Variants in C4orf36 observed in about 807,000 individuals in gnomAD.
The protein encoded by C4orf36 is uncharacterized protein C4orf36.
C4orf36 carries 11 observed loss-of-function variants against 12.2 expected under a neutral mutation model. The ratio of observed to expected loss-of-function variants is 0.90; its 90% confidence interval spans 0.57 to 1.49. The LOEUF is 1.49. C4orf36 is among the 40% of genes most tolerant of loss of function. The probability of loss-of-function intolerance (pLI) is 0.00; values close to 1 mark genes in which losing one functional copy is unlikely to be tolerated. For synonymous variants in C4orf36, 54 were observed against 51.3 expected, an observed-to-expected ratio of 1.05 and a Z score of -0.22; for missense variants, 137 against 133.9, an observed-to-expected ratio of 1.02 and a Z score of -0.11.
intron 4 of C4orf36, among the ~76,000 whole-genome samples, chr4:86,879,667 C>A (rs1044958915): frequency 1.3e-5 from 2 of 152,098 alleles, no homozygotes; most frequent in Non-Finnish European, 2.9e-5. Flanking sequence ...AGAAAATGAA[C>A]ATACCAATTC....
chr4:86,905,263 G>A, the C4orf36 span, among the ~76,000 whole-genome samples: 6 of 151,148 alleles, frequency 4.0e-5, no homozygotes, highest in South Asian at 2.1e-4. Flanking sequence ...CATGCCTGTC[G>A]TCCTTGCTAC....
chr4:86,918,832 T>TCAC, the C4orf36 span, among the ~76,000 whole-genome samples: 1 of 120,132 alleles, frequency 8.3e-6, no homozygotes, highest in Admixed American at 8.8e-5. Context: ...TGTGTGTGTG[T>TCAC]GTGCACGTGA....
At chr4:86,931,899 G>T in the C4orf36 span, among the ~76,000 whole-genome samples, 1 of 151,986 alleles carries the variant, frequency 6.6e-6, no homozygotes, top group African/African-American at 2.4e-5. Context: ...GCCGGGCGTG[G>T]TGGCAGGCGC....
the C4orf36 span, among the ~76,000 whole-genome samples, chr4:86,929,197 G>T: frequency 6.6e-6 from 1 of 152,038 alleles, no homozygotes; most frequent in Non-Finnish European, 1.5e-5. Flanking sequence ...TTGGACTTGC[G>T]GCATGTTTTA....
At chr4:86,887,365 T>C (rs957972102) in intron 4 of C4orf36, 9 of 159,378 alleles carry the variant, frequency 5.6e-5, no homozygotes, top group Non-Finnish European at 1.1e-4. Context: ...CAGTTTATCA[T>C]TTTTAAGAGA....
the C4orf36 span, chr4:86,914,821 C>G: frequency 2.2e-6 from 1 of 454,260 alleles, no homozygotes. Context: ...TGACATTATT[C>G]TTAGTGTTTT....
At chr4:86,914,703 G>A in the C4orf36 span, 9 of 391,996 alleles carry the variant, frequency 2.3e-5, no homozygotes, top group Admixed American at 7.3e-5. Context: ...GCCCGGCTCC[G>A]TTCTTCTTAT....
At chr4:86,887,953 C>A in intron 3 of C4orf36, 60 bp from the exon 4 acceptor site, 1 of 1,600,716 alleles carries the variant, frequency 6.2e-7, no homozygotes, top group South Asian at 1.1e-5. Context: ...ATAACTAAGT[C>A]AAAACTGAAT....
At chr4:86,902,870 T>C in the C4orf36 span, among the ~76,000 whole-genome samples, 2 of 152,198 alleles carry the variant, frequency 1.3e-5, no homozygotes, top group African/African-American at 4.8e-5. Context: ...ATATGGAATC[T>C]TTATTTCTTT....
At chr4:86,919,829 G>C in the C4orf36 span, among the ~76,000 whole-genome samples, 16 of 152,234 alleles carry the variant, frequency 1.1e-4, no homozygotes, top group African/African-American at 3.9e-4. Context: ...GAGCCCAGGA[G>C]TTCAAAACAA....
Position 86,887,776 on chromosome 4 carries a change from G to C in C4orf36, c.338C>G (p.Pro113Arg), listed in dbSNP as rs762808044. ...LRERPAGLRR[P>R]LPSK ...AACTGACTGTCATTTAGATGGAAGA[G>C]GTCTTCTCAAACCGGCTGGCCTTTC... is the stretch of plus-strand genomic sequence containing the variant. Residue 113 changes from proline to arginine, a missense_variant, in exon 4 of 5, where the codon CCT becomes CGT. Physicochemically the swap from Pro to Arg is moderately radical, Grantham distance 103. Coordinates refer to ENST00000295898, the MANE Select transcript of C4orf36 (RefSeq NM_144645.4). 4 of 1,614,088 alleles carry C rather than the reference G, an allele frequency of 2.5e-6. No individual in the cohort carries two copies. The highest frequency in any genetic ancestry group is 2.7e-5 in the African/African-American group (2 of 74,946).
At chr4:86,897,499 C>A in the C4orf36 span, among the ~76,000 whole-genome samples, 1 of 152,232 alleles carries the variant, frequency 6.6e-6, no homozygotes, top group Non-Finnish European at 1.5e-5. Context: ...TCTCTGGATT[C>A]TCTCACCCAG....
At chr4:86,921,751 T>C in the C4orf36 span, among the ~76,000 whole-genome samples, 1 of 152,224 alleles carries the variant, frequency 6.6e-6, no homozygotes, top group Admixed American at 6.5e-5. Flanking sequence ...CATATTGTTG[T>C]GCAACCATCA....
At chr4:86,909,277 C>G in the C4orf36 span, among the ~76,000 whole-genome samples, 8 of 152,208 alleles carry the variant, frequency 5.3e-5, no homozygotes, top group African/African-American at 1.9e-4. Context: ...GACACCAACA[C>G]TTGGCTGAAG....
intron 1 of C4orf36, among the ~76,000 whole-genome samples, chr4:86,891,825 G>A (rs72667703): frequency 0.14 from 21,781 of 151,998 alleles, 2,049 homozygotes; most frequent in East Asian, 0.32. Context: ...ACAAAGTTTC[G>A]GTGTCGCACT....
At chr4:86,920,977 C>T in the C4orf36 span, among the ~76,000 whole-genome samples, 1 of 151,718 alleles carries the variant, frequency 6.6e-6, no homozygotes, top group African/African-American at 2.4e-5. Flanking sequence ...ACCAGCCTGA[C>T]CAACATGGAG....
At chr4:86,892,485 A>G (rs1747466300), upstream of C4orf36, 2 of 981,576 alleles carry the variant, frequency 2.0e-6, no homozygotes, top group Non-Finnish European at 2.4e-6. Flanking sequence ...CCCACCCGCC[A>G]GGGAGGGGAC....
At chr4:86,923,263 T>C in the C4orf36 span, among the ~76,000 whole-genome samples, 1 of 151,942 alleles carries the variant, frequency 6.6e-6, no homozygotes, top group Non-Finnish European at 1.5e-5. Context: ...GGCTGTTTTT[T>C]AATTTTTTGT....
chr4:86,924,919 T>C, the C4orf36 span: 1 of 152,198 alleles, frequency 6.6e-6, no homozygotes, highest in Admixed American at 6.5e-5. Context: ...CATCGGCTTA[T>C]CTTCTTGGGA....
Sources: allele counts gnomAD v4.1 joint callset (sites outside exome capture counted in the v4.1 genomes callset), GRCh38; gene constraint gnomAD v4.1.1; transcripts MANE v1.5; gene names NCBI Gene and HGNC (gene_info 2026-07-23, HGNC 2026-07-21).